PUM1: variants seen among roughly 807,000 people sequenced by gnomAD.
PUM1 encodes the protein pumilio RNA binding family member 1.
A neutral mutation model predicts 131.8 loss-of-function variants in PUM1; 13 were observed. The ratio of observed to expected loss-of-function variants is 0.10; its 90% CI spans 0.06 to 0.16. The LOEUF is 0.16. PUM1 is among the 10% of genes least tolerant of loss of function. The pLI is 1.00. For synonymous variants in PUM1, 509 were observed against 556.5 expected (o/e 0.91, Z 1.20); for missense variants, 961 against 1,512.4 (o/e 0.64, Z 6.05).
chr1:31,007,688 G>A (rs12078961), intron 3 of PUM1, among the ~76,000 whole-genome samples: 3,654 of 152,188 alleles, frequency 0.024, 170 homozygotes, highest in African/African-American at 0.082. Flanking sequence ...CTTCATTACT[G>A]GAAGGGAAAT....
chr1:31,008,548 G>A (rs1431479522), intron 3 of PUM1, among the ~76,000 whole-genome samples: 1 of 152,108 alleles, frequency 6.6e-6, no homozygotes, highest in African/African-American at 2.4e-5. Flanking sequence ...AAATGGGAAA[G>A]AGCCCCGATC....
chr1:30,953,458 G>A (rs1640030935), intron 15 of PUM1, among the ~76,000 whole-genome samples: 1 of 152,298 alleles, frequency 6.6e-6, no homozygotes, highest in Non-Finnish European at 1.5e-5. Context: ...CAGCACCCTA[G>A]ATCAAACTTG....
chr1:30,956,904 A>G (rs1322777439), intron 14 of PUM1, among the ~76,000 whole-genome samples: 1 of 152,186 alleles, frequency 6.6e-6, no homozygotes, highest in Non-Finnish European at 1.5e-5. Context: ...TTATTGTTTA[A>G]GCCACTCTTT....
chr1:31,061,488 CG>C (rs1184123036), intron 1 of PUM1, among the ~76,000 whole-genome samples: 1 of 151,524 alleles, frequency 6.6e-6, no homozygotes, highest in Non-Finnish European at 1.5e-5. Context: ...TGGTGGCACG[CG>C]CCTGTAATCC....
intron 8 of PUM1, among the ~76,000 whole-genome samples, chr1:30,980,762 T>G (rs1641324845): frequency 1.3e-5 from 2 of 152,096 alleles, no homozygotes. Flanking sequence ...CTTAATGCAC[T>G]CTAAGAGACC....
chr1:31,046,911 G>A (rs764676683), intron 2 of PUM1, among the ~76,000 whole-genome samples: 3 of 152,064 alleles, frequency 2.0e-5, no homozygotes, highest in Non-Finnish European at 2.9e-5. Flanking sequence ...TTCACAGCAG[G>A]CTATGCACAG....
chr1:30,944,619 A>G (rs1185583454), intron 18 of PUM1, among the ~76,000 whole-genome samples: 3 of 152,224 alleles, frequency 2.0e-5, no homozygotes, highest in Non-Finnish European at 2.9e-5. Context: ...CCTTCCAAAA[A>G]AATTTAAGCA....
intron 2 of PUM1, among the ~76,000 whole-genome samples, chr1:31,038,171 AG>A (rs1328679438): frequency 6.6e-6 from 1 of 152,096 alleles, no homozygotes; most frequent in Non-Finnish European, 1.5e-5. Flanking sequence ...TTATTACAGA[AG>A]AAAATGCAGA....
In PUM1 at chr1:30,953,944, A is replaced by G; in HGVS notation, c.2361T>C (p.Ala787=). 1 of 1,614,250 alleles carries G rather than the reference A, an allele frequency of 6.2e-7. No homozygotes were observed. ...GGTACTTGGCTTCAGCGCCTGGAGC[A>G]GCAGAGATGTATCTTCCACTGCCAT... is the stretch of plus-strand genomic sequence containing the variant. ...LTNGSGRYIS[A]APGAEAKYRS... Residue 787 remains alanine, a synonymous_variant, in exon 15 of 22, where the codon GCT becomes GCC. Transcript: ENST00000426105.
intron 2 of PUM1, chr1:31,055,472 T>C (rs1644215731): frequency 2.2e-6 from 1 of 445,790 alleles, no homozygotes. Flanking sequence ...CAATACACTA[T>C]AATGACTACA....
intron 7 of PUM1, among the ~76,000 whole-genome samples, chr1:30,989,457 A>G (rs1433350146): frequency 1.3e-5 from 2 of 150,898 alleles, no homozygotes; most frequent in Non-Finnish European, 2.9e-5. Flanking sequence ...CTGTAGTCCC[A>G]GCTACTCGGG....
Position 30,964,563 on chromosome 1 carries a change from G to A in PUM1, c.2323+111C>T, listed in dbSNP as rs138652207. On this transcript the variant is annotated intron_variant, in intron 14 of 21. Coordinates refer to ENST00000426105, the MANE Select transcript of PUM1 (RefSeq NM_001020658.2). ...ATTTACGGAAGGCACAGAACACCCA[G>A]GACACTTCTAGTATAAAGGGACTGT... 105 of 908,198 alleles carry A rather than the reference G, an allele frequency of 1.2e-4. No individual in the cohort carries two copies. In the East Asian group the frequency reaches 2.5e-3, roughly 21 times the overall value. 56.3% of individuals were successfully genotyped at this position (908,198 alleles called of 1,614,324 possible).
rs1312878784 is a variant in PUM1, at chr1:31,059,444, T to A, written c.123A>T (p.Gly41=). Residue 41 remains glycine, a synonymous_variant, in exon 2 of 22, where the codon GGA becomes GGT. Transcript: ENST00000426105. ...GTTGTGGCTGCGCTTGCGACCCTGT[T>A]CCAGATGTCAAAACAACAGGCATGT... is the stretch of plus-strand genomic sequence containing the variant. The part of the protein sequence containing the change: ...NPNMPVVLTS[G]TGSQAQPQPA... The A allele has an allele frequency of 6.2e-7, 1 of 1,614,174 alleles. No individual in the cohort carries two copies. Among genetic ancestry groups the A allele is most frequent in the Non-Finnish European group, 8.5e-7 (1 of 1,180,040 alleles).
intron 17 of PUM1, among the ~76,000 whole-genome samples, chr1:30,947,134 T>C (rs1219625265): frequency 1.3e-5 from 2 of 152,156 alleles, no homozygotes; most frequent in African/African-American, 4.8e-5. Flanking sequence ...TTAAAAGACT[T>C]ACAAAACTAT....
rs58664754 is a variant in PUM1 at position 30,933,439 on chromosome 1, TACACACACACACACAC to T, written c.3436-113_3436-98del. ...TTGCATGTCATGCATCACACACACATACACACACACACACACACACACACACACACACACACACACA... is the reference window on the plus strand; with the variant it reads ...TTGCATGTCATGCATCACACACACATACACACACACACACACACACACACA... On this transcript the variant is annotated intron_variant, in intron 21 of 21. Transcript: ENST00000426105. 3,347 of 363,950 alleles carry T rather than the reference TACACACACACACACAC, an allele frequency of 9.2e-3. 14 individuals carry two copies. Among genetic ancestry groups the T allele is most frequent in the Middle Eastern group, 0.034 (43 of 1,254 alleles). 22.5% of individuals were successfully genotyped at this position (363,950 alleles called of 1,614,324 possible).
chr1:31,056,869 T>A (rs906974009), intron 2 of PUM1, among the ~76,000 whole-genome samples: 1 of 151,996 alleles, frequency 6.6e-6, no homozygotes, highest in African/African-American at 2.4e-5. Flanking sequence ...CTCAGCTCAC[T>A]GCAAACTCCC....
chr1:30,985,880 C>T (rs907248634), intron 7 of PUM1, among the ~76,000 whole-genome samples: 5 of 152,096 alleles, frequency 3.3e-5, no homozygotes, highest in African/African-American at 1.2e-4. Context: ...AAAGAGACAG[C>T]CTGAAGCTAG....
chr1:31,060,147 C>T (rs1644336134), intron 1 of PUM1, among the ~76,000 whole-genome samples: 4 of 151,270 alleles, frequency 2.6e-5, no homozygotes, highest in Admixed American at 2.6e-4. Context: ...CGCGCCCAGC[C>T]CCAAAAGCCT....
intron 9 of PUM1, among the ~76,000 whole-genome samples, chr1:30,977,862 C>T (rs987661712): frequency 6.6e-6 from 1 of 152,170 alleles, no homozygotes; most frequent in Non-Finnish European, 1.5e-5. Flanking sequence ...ATTCTATATA[C>T]TATAGTGAAG....
Sources: gnomAD v4.1 joint callset for allele counts (sites outside exome capture counted in the v4.1 genomes callset) on GRCh38, gnomAD v4.1.1 for gene constraint, MANE v1.5 for transcripts, NCBI Gene and HGNC (gene_info 2026-07-23, HGNC 2026-07-21) for gene names.